UBR1: variants seen among roughly 807,000 people sequenced by gnomAD.
UBR1 encodes the protein E3 ubiquitin-protein ligase UBR1.
A neutral mutation model predicts 242.1 loss-of-function variants in UBR1; 102 were observed. The observed-to-expected ratio is 0.42, with a 90% CI of 0.36 to 0.50. The LOEUF is 0.50. UBR1 is among the 20% of genes least tolerant of loss of function. The probability of loss-of-function intolerance (pLI) is 0.01; values close to 1 mark genes in which losing one functional copy is unlikely to be tolerated. For missense variants in UBR1, 1,772 were observed against 2,101.8 expected (o/e 0.84, Z 3.07); for synonymous variants, 675 against 684.8 (o/e 0.99, Z 0.22).
chr15:42,960,847 G>A, intron 42 of UBR1, 146 bp from the exon 43 acceptor site: 1 of 784,146 alleles, frequency 1.3e-6, no homozygotes, highest in South Asian at 1.7e-5. Flanking sequence ...TCGGCTCACT[G>A]CAGCTTCTGC....
intron 40 of UBR1, among the ~76,000 whole-genome samples, chr15:42,968,694 C>T (rs1303181303): frequency 2.6e-5 from 4 of 152,066 alleles, no homozygotes; most frequent in Admixed American, 2.6e-4. Flanking sequence ...CTGACAGGCC[C>T]TGGTGTGTGA....
Position 42,958,076 on chromosome 15 carries a change from C to T in UBR1, c.4772G>A (p.Arg1591Lys). The stretch of plus-strand genomic sequence containing the variant: ...ATCAGGAAGCTCTATCAAACTATTT[C>T]TTTTTCTAGGGTACCTACAATGTAA... ...KNTVVRYPRK[R>K]NSLIELPDDY... The change falls in exon 44 of 47, where the codon AGA becomes AAA. Residue 1591 changes from arginine (R) to lysine (K), a missense_variant. Physicochemically the swap from Arg to Lys is conservative, Grantham distance 26. Around this residue, in one of 3 missense-constraint regions of UBR1, gnomAD observed 965 missense variants for 1,079.7 expected, o/e 0.89. Coordinates refer to ENST00000290650, the MANE Select transcript of UBR1 (RefSeq NM_174916.3). 1 of 1,613,360 alleles carries T rather than the reference C, an allele frequency of 6.2e-7. No individual in the cohort carries two copies. The highest frequency in any genetic ancestry group is 8.5e-7 in the Non-Finnish European group (1 of 1,179,666).
chr15:43,046,407 A>C (rs984392484), intron 14 of UBR1, among the ~76,000 whole-genome samples: 27 of 152,232 alleles, frequency 1.8e-4, no homozygotes, highest in African/African-American at 6.3e-4. Context: ...TTTAAAAATA[A>C]GCGAGTCCTG....
intron 29 of UBR1, among the ~76,000 whole-genome samples, chr15:43,015,223 T>C (rs1410823682): frequency 3.3e-5 from 5 of 152,158 alleles, no homozygotes; most frequent in African/African-American, 7.2e-5. Flanking sequence ...GGGGAAAAGA[T>C]TGAGAAATCG....
At chr15:43,071,370 T>C (rs1446856277) in intron 4 of UBR1, among the ~76,000 whole-genome samples, 1 of 152,152 alleles carries the variant, frequency 6.6e-6, no homozygotes, top group African/African-American at 2.4e-5. Context: ...GAGGGACAAA[T>C]ACTATATGAT....
intron 2 of UBR1, among the ~76,000 whole-genome samples, chr15:43,083,734 G>C (rs143027427): frequency 1.3e-5 from 2 of 151,628 alleles, no homozygotes; most frequent in East Asian, 3.9e-4. Context: ...ATAAAATTGG[G>C]GAATTTTAAA....
Position 43,058,373 on chromosome 15 carries a change from A to G in UBR1, c.1150T>C (p.Tyr384His). Reference sequence around the variant, plus strand: ...AATTCCATAGCAAAGAGTTTTTTGTATTCCATCTCCATAAAAAAACTGCTG... The same window carrying G: ...AATTCCATAGCAAAGAGTTTTTTGTGTTCCATCTCCATAAAAAAACTGCTG... ...IFSSFFMEME[Y>H]KKLFAMEFVK... The change falls in exon 10 of 47, where the codon TAC becomes CAC. Residue 384 changes from tyrosine to histidine, a missense_variant. Tyr to His is a moderately conservative substitution (Grantham distance 83, BLOSUM62 2). This residue lies in a region of UBR1 where 734 missense variants were observed against 893.3 expected (regional missense o/e 0.82). Coordinates refer to ENST00000290650, the MANE Select transcript of UBR1 (RefSeq NM_174916.3). The G allele has an allele frequency of 6.2e-7, 1 of 1,610,862 alleles. No individual in the cohort carries two copies. Among genetic ancestry groups the G allele is most frequent in the Non-Finnish European group, 8.5e-7 (1 of 1,178,344 alleles).
chr15:43,030,648 A>C (rs2033244144), intron 20 of UBR1, among the ~76,000 whole-genome samples: 1 of 152,226 alleles, frequency 6.6e-6, no homozygotes, highest in Admixed American at 6.5e-5. Context: ...CATCACAATA[A>C]ACTGCCAAAT....
At chr15:43,016,480 T>C (rs747124201) in intron 28 of UBR1, among the ~76,000 whole-genome samples, 1 of 152,240 alleles carries the variant, frequency 6.6e-6, no homozygotes, top group Non-Finnish European at 1.5e-5. Flanking sequence ...CATTATCTTA[T>C]ATTTCTCTAA....
At chr15:43,043,552 G>T (rs572984888) in intron 14 of UBR1, among the ~76,000 whole-genome samples, 157 bp from the exon 15 acceptor site, 4 of 152,152 alleles carry the variant, frequency 2.6e-5, no homozygotes, top group Non-Finnish European at 5.9e-5. Flanking sequence ...GTCACCTGAG[G>T]TGATTCTCCC....
At chr15:43,010,137 G>A (rs1297742337) in intron 29 of UBR1, among the ~76,000 whole-genome samples, 1 of 152,216 alleles carries the variant, frequency 6.6e-6, no homozygotes, top group Non-Finnish European at 1.5e-5. Flanking sequence ...CTCCCAAAGT[G>A]CTGGGATTAC....
intron 1 of UBR1, among the ~76,000 whole-genome samples, chr15:43,096,882 G>A (rs758323492): frequency 6.6e-6 from 1 of 151,762 alleles, no homozygotes; most frequent in Non-Finnish European, 1.5e-5. Context: ...CATCCAGGAG[G>A]GTTGGAATCA....
At chr15:42,991,203 G>A (rs999681859) in intron 33 of UBR1, among the ~76,000 whole-genome samples, 1 of 151,862 alleles carries the variant, frequency 6.6e-6, no homozygotes, top group Non-Finnish European at 1.5e-5. Flanking sequence ...TTGAACCCAG[G>A]GGGTGGAGTC....
Position 43,037,878 on chromosome 15 carries a change from G to C in UBR1, c.1917C>G (p.Asp639Glu). 2 of 1,613,284 alleles carry C rather than the reference G, an allele frequency of 1.2e-6. No individual in the cohort carries two copies. The highest frequency in any genetic ancestry group is 1.7e-6 in the Non-Finnish European group (2 of 1,179,532). The part of the protein sequence containing the change: ...SRLHEFVSFE[D>E]FQVEVLVEYP... ...ATTCCACTAGTACCTCTACTTGAAAGTCCTCCTGAAATAGAGTGAGTTCAA... is the reference window on the plus strand; with the variant it reads ...ATTCCACTAGTACCTCTACTTGAAACTCCTCCTGAAATAGAGTGAGTTCAA... The change falls in exon 17 of 47, where the codon GAC (aspartate) becomes GAG (glutamate). Residue 639 changes from aspartate (D) to glutamate (E), a missense_variant. Physicochemically the swap from Asp to Glu is conservative, Grantham distance 45. Coordinates refer to ENST00000290650, the MANE Select transcript of UBR1 (RefSeq NM_174916.3).
chr15:43,081,417 CAAAAAAA>C (rs71108197), intron 3 of UBR1, among the ~76,000 whole-genome samples: 2 of 69,710 alleles, frequency 2.9e-5, no homozygotes, highest in African/African-American at 5.7e-5. Flanking sequence ...CACCCCATCT[CAAAAAAA>C]AAAAAAAAAA....
Position 43,056,913 on chromosome 15 carries a change from C to A in UBR1, c.1183-471G>T, listed in dbSNP as rs140758676. ...CAGAATGGATGCTGGCTGCAAATAA[C>A]TTCTTTCCCATACTGGTACATAACA... On this transcript the variant is annotated intron_variant, in intron 10 of 46. Coordinates refer to ENST00000290650, the MANE Select transcript of UBR1 (RefSeq NM_174916.3). Among the ~76,000 whole-genome samples the A allele has an allele frequency of 5.9e-5, 9 of 152,288 alleles. 1 individual carries two copies. In the East Asian group the frequency reaches 1.7e-3, roughly 29 times the overall value.
At position 43,025,406 on chromosome 15, in the gene UBR1, C is replaced by T; in HGVS notation, c.2559G>A (p.Arg853=). 6.2e-7 allele frequency: 1 copy of T among 1,608,690 alleles called. No homozygotes were observed. The highest frequency in any genetic ancestry group is 1.1e-5 in the South Asian group (1 of 90,874). Residue 853 remains arginine, a synonymous_variant, in exon 24 of 47, where the codon AGG becomes AGA. Coordinates refer to ENST00000290650, the MANE Select transcript of UBR1 (RefSeq NM_174916.3). ...HSKAEHMQKK[R]RKQENKDEAL... The stretch of plus-strand genomic sequence containing the variant: ...CTTCATCTTTGTTTTCTTGTTTTCT[C>T]CTTTTCTTCTGCATATGTTCAGCCT...
chr15:43,027,490 T>C (rs1186017916), intron 22 of UBR1, among the ~76,000 whole-genome samples: 1 of 152,224 alleles, frequency 6.6e-6, no homozygotes, highest in Non-Finnish European at 1.5e-5. Context: ...TGGGTTCAGA[T>C]TAATGGGAAA....
At chr15:43,081,189 C>T (rs1393361933) in intron 3 of UBR1, among the ~76,000 whole-genome samples, 6 of 152,062 alleles carry the variant, frequency 3.9e-5, no homozygotes, top group African/African-American at 7.2e-5. Context: ...GAGGCTGAGG[C>T]GGGTGGATCA....
Sources: allele counts gnomAD v4.1 joint callset (sites outside exome capture counted in the v4.1 genomes callset), GRCh38; gene constraint gnomAD v4.1.1; regional missense constraint gnomAD v4.1.1; transcripts MANE v1.5; gene names NCBI Gene and HGNC (gene_info 2026-07-23, HGNC 2026-07-21).